TAT: variants seen among roughly 807,000 people sequenced by gnomAD.
TAT encodes the protein L-tyrosine:2-oxoglutarate aminotransferase.
A neutral mutation model predicts 53.6 loss-of-function variants in TAT; 35 were observed. The ratio of observed to expected loss-of-function variants is 0.65; its 90% confidence interval spans 0.50 to 0.87. TAT has a LOEUF of 0.87. Among genes scored for constraint, TAT ranks in the 40% least tolerant of loss-of-function variants. TAT has a pLI of 0.00. For synonymous variants in TAT, 197 were observed against 206.5 expected (o/e 0.95, Z 0.39); for missense variants, 525 against 571.8 (o/e 0.92, Z 0.83).
Position 71,573,589 on chromosome 16 carries a change from C to A in TAT, c.358G>T (p.Glu120Ter). The change falls in exon 4 of 12, where the codon GAG becomes TAG. Residue 120 changes from glutamate to a stop codon, truncating the protein, a stop_gained. Coordinates refer to ENST00000355962, the MANE Select transcript of TAT (RefSeq NM_000353.3). LOFTEE classifies it high-confidence loss of function. ...APSIGFLSSR[E>*]EIASYYHCPE... ...CAGTGGTAATAAGAAGCAATCTCCT[C>A]CCGACTGGATAGGAAGCCTGAAAGA... 1.3e-6 allele frequency: 2 copies of A among 1,554,350 alleles called. No homozygotes were observed. The highest frequency in any genetic ancestry group is 2.4e-5 in the East Asian group (1 of 41,224).
intron 1 of TAT, 131 bp from the exon 2 acceptor site, chr16:71,576,558 C>A: frequency 1.2e-6 from 1 of 801,190 alleles, no homozygotes; most frequent in South Asian, 1.6e-5. Context: ...ATTTTTTTTT[C>A]TACTTTCTGT....
At chr16:71,570,120 G>T in intron 9 of TAT, 149 bp downstream of exon 9, 1 of 1,413,384 alleles carries the variant, frequency 7.1e-7, no homozygotes, top group Non-Finnish European at 9.7e-7. Flanking sequence ...ATGGCCGGAA[G>T]TGAGAAACGT....
At chr16:71,576,114 C>T in intron 2 of TAT, 67 bp downstream of exon 2, 2 of 1,607,838 alleles carry the variant, frequency 1.2e-6, no homozygotes, top group Non-Finnish European at 1.7e-6. Flanking sequence ...CCATCTTCTC[C>T]AACCAGCCTG....
chr16:71,574,517 G>A (rs1597055268), intron 3 of TAT, among the ~76,000 whole-genome samples: 2 of 145,456 alleles, frequency 1.4e-5, no homozygotes, highest in East Asian at 4.0e-4. Context: ...GGAGGCGGAG[G>A]TTGCGGTGAG....
At chr16:71,575,871 A>G in intron 3 of TAT, 51 bp downstream of exon 3, 2 of 1,506,708 alleles carry the variant, frequency 1.3e-6, no homozygotes, top group Middle Eastern at 1.7e-4. Context: ...CTGTTATAAG[A>G]GCACTAAAGA....
chr16:71,573,673 G>C, intron 3 of TAT, 67 bp from the exon 4 acceptor site: 3 of 1,400,812 alleles, frequency 2.1e-6, no homozygotes, highest in Non-Finnish European at 3.0e-6. Context: ...TCTGTCACCC[G>C]GACTTGGAGT....
intron 3 of TAT, chr16:71,575,289 A>G (rs1396676200): frequency 1.3e-5 from 2 of 154,586 alleles, no homozygotes; most frequent in African/African-American, 4.8e-5. Context: ...TCAAGGAATC[A>G]TGTACTTTAC....
chr16:71,570,383 C>T lies in TAT; in HGVS notation c.927G>A (p.Leu309=), dbSNP rs1307875776. 1 of 1,614,182 alleles carries T rather than the reference C, an allele frequency of 6.2e-7. No individual in the cohort carries two copies. The highest frequency in any genetic ancestry group is 1.7e-5 in the Admixed American group (1 of 60,018). ...DIFGNEIRDG[L]VKLSQRILGP... is the part of the protein sequence containing the mutation. ...CCAAAATGCGCTGACTCAGCTTCAC[C>T]AGCCCATCTCGGATCTAAAAGACAC... Residue 309 remains leucine (L), a synonymous_variant, in exon 9 of 12, where the codon CTG becomes CTA. Transcript: ENST00000355962.
intron 8 of TAT, 86 bp from the exon 9 acceptor site, chr16:71,570,483 G>A: frequency 1.9e-6 from 3 of 1,610,146 alleles, no homozygotes; most frequent in Non-Finnish European, 2.5e-6. Flanking sequence ...TTTCTATCAG[G>A]TTTTTAATCT....
At chr16:71,572,966 A>T (rs2044213517) in intron 4 of TAT, among the ~76,000 whole-genome samples, 1 of 152,198 alleles carries the variant, frequency 6.6e-6, no homozygotes, top group Non-Finnish European at 1.5e-5. Context: ...TCGCTTGGTT[A>T]TTTATTTACT....
intron 9 of TAT, 34 bp downstream of exon 9, chr16:71,570,227 GACTCCCAA>G: frequency 6.2e-7 from 1 of 1,613,958 alleles, no homozygotes; most frequent in Non-Finnish European, 8.5e-7. Context: ...GGCATTCTCT[GACTCCCAA>G]ACTCCCAAAG....
At chr16:71,576,132 G>T (rs2044233385) in intron 2 of TAT, 49 bp downstream of exon 2, 1 of 1,607,924 alleles carries the variant, frequency 6.2e-7, no homozygotes. Context: ...CTGTGAACAT[G>T]AGAGTAGAGG....
rs999273932 is a variant in TAT, at chr16:71,576,046, A to G, written c.236-20T>C. 1.2e-6 allele frequency: 2 copies of G among 1,613,634 alleles called. No individual in the cohort carries two copies. Among genetic ancestry groups the G allele is most frequent in the South Asian group, 1.1e-5 (1 of 91,066 alleles). On this transcript the variant is annotated intron_variant, in intron 2 of 11. Coordinates refer to ENST00000355962, the MANE Select transcript of TAT (RefSeq NM_000353.3). ...GGTCCCCTTTTTATGGGAGGAAAAC[A>G]CAAAAGGAGCCAAGAGGTTATTCTC...
At chr16:71,574,053 T>C (rs1372683709) in intron 3 of TAT, among the ~76,000 whole-genome samples, 1 of 152,212 alleles carries the variant, frequency 6.6e-6, no homozygotes, top group African/African-American at 2.4e-5. Flanking sequence ...AGGCTGCCTC[T>C]GCCCCTGCTC....
rs769264230 is a variant in TAT at position 71,567,007 on chromosome 16, G to T, written c.*1137C>A. On this transcript the variant is annotated 3_prime_UTR_variant, in exon 12 of 12. Transcript: ENST00000355962. ...TTAACATTACAGCAAAAGTAATAAT[G>T]ATTATATAACAATGACAAGTGAAGA... The T allele has an allele frequency of 1.3e-5, 2 of 152,178 alleles. No homozygotes were observed. Among genetic ancestry groups the T allele is most frequent in the Non-Finnish European group, 2.9e-5 (2 of 68,036 alleles). 9.4% of individuals were successfully genotyped at this position (152,178 alleles called of 1,614,324 possible). A position where few individuals can be genotyped will look rare whatever the true frequency, so the allele number is the denominator to read the frequency against.
rs1382615081 is a variant in TAT, at chr16:71,567,833, T to C, written c.*311A>G. The C allele has an allele frequency of 2.6e-6, 1 of 380,910 alleles. No homozygotes were observed. The highest frequency in any genetic ancestry group is 6.1e-5 in the East Asian group (1 of 16,280). The allele number at this position is 380,910 out of a possible 1,614,324, so 23.6% of individuals were successfully genotyped here. A position where few individuals can be genotyped will look rare whatever the true frequency, so the allele number is the denominator to read the frequency against. On this transcript the variant is annotated 3_prime_UTR_variant, in exon 12 of 12. Coordinates refer to ENST00000355962, the MANE Select transcript of TAT (RefSeq NM_000353.3). ...TGAGCTCTTATTTTCTTGTCTCAAC[T>C]GCTTTCTGGTAAACTTTGTTCACCT...
chr16:71,575,655 G>A, intron 3 of TAT: 1 of 520,774 alleles, frequency 1.9e-6, no homozygotes, highest in Non-Finnish European at 3.5e-6. Flanking sequence ...GATAGGATAG[G>A]AGCTTTACTT....
chr16:71,570,148 C>T, intron 9 of TAT, 121 bp downstream of exon 9: 1 of 1,511,456 alleles, frequency 6.6e-7, no homozygotes. Flanking sequence ...GATGCTTACA[C>T]CGATGCCGTC....
chr16:71,576,823 G>A (rs999898565), intron 1 of TAT, among the ~76,000 whole-genome samples, 186 bp downstream of exon 1: 1 of 152,116 alleles, frequency 6.6e-6, no homozygotes, highest in African/African-American at 2.4e-5. Context: ...ATCTGCAGAG[G>A]ACCAGGAAGA....
Sources: allele counts gnomAD v4.1 joint callset (sites outside exome capture counted in the v4.1 genomes callset), GRCh38; gene constraint gnomAD v4.1.1; transcripts MANE v1.5; gene names NCBI Gene and HGNC (gene_info 2026-07-23, HGNC 2026-07-21).